Variants in JAZF1 observed in about 807,000 individuals in gnomAD.
JAZF1 encodes the protein juxtaposed with another zinc finger protein 1.
Under a neutral mutation model 26.4 loss-of-function variants are expected in JAZF1, and 8 were observed. The ratio of observed to expected loss-of-function variants is 0.30; its 90% CI spans 0.18 to 0.55. The LOEUF (loss-of-function observed/expected upper bound fraction) is 0.55, where lower values mean the gene tolerates loss of function less well. Among genes scored for constraint, JAZF1 ranks in the 20% least tolerant of loss-of-function variants. The pLI, the probability that JAZF1 is intolerant of heterozygous loss-of-function variation, is 0.94. For synonymous variants in JAZF1, 126 were observed against 122.3 expected, an observed-to-expected ratio of 1.03 and a Z score of -0.20; for missense variants, 199 against 322.0, an observed-to-expected ratio of 0.62 and a Z score of 2.92.
intron 2 of JAZF1, among the ~76,000 whole-genome samples, chr7:27,969,436 G>A (rs1203523997): frequency 6.6e-6 from 1 of 152,038 alleles, no homozygotes; most frequent in Non-Finnish European, 1.5e-5. Flanking sequence ...TGCTTGGAGG[G>A]CTTCTCTGCG....
At chr7:28,140,672 T>C (rs1782948406) in intron 1 of JAZF1, among the ~76,000 whole-genome samples, 1 of 152,160 alleles carries the variant, frequency 6.6e-6, no homozygotes, top group Non-Finnish European at 1.5e-5. Context: ...TCATAGCACA[T>C]AGAGTCAATA....
chr7:28,082,989 T>G (rs188644663), intron 1 of JAZF1, among the ~76,000 whole-genome samples: 44 of 152,216 alleles, frequency 2.9e-4, no homozygotes, highest in Non-Finnish European at 4.9e-4. Flanking sequence ...TGACCACCAC[T>G]GAGTGCTCTG....
intron 2 of JAZF1, among the ~76,000 whole-genome samples, chr7:27,956,944 C>T (rs183430381): frequency 1.3e-4 from 20 of 152,324 alleles, no homozygotes; most frequent in Non-Finnish European, 2.1e-4. Context: ...AGGCTGCACA[C>T]GAATAACGGC....
intron 1 of JAZF1, among the ~76,000 whole-genome samples, chr7:27,995,580 A>T (rs1785998394): frequency 6.6e-6 from 1 of 152,196 alleles, no homozygotes; most frequent in Non-Finnish European, 1.5e-5. Context: ...AATAATTCAC[A>T]TATTAAAATA....
At chr7:27,929,720 T>C (rs936634506) in intron 2 of JAZF1, among the ~76,000 whole-genome samples, 4 of 152,188 alleles carry the variant, frequency 2.6e-5, no homozygotes, top group Non-Finnish European at 5.9e-5. Context: ...GATTAAGTGA[T>C]TAAGCTGTTG....
chr7:27,898,728 G>T (rs1016583531), intron 2 of JAZF1, among the ~76,000 whole-genome samples: 3 of 152,112 alleles, frequency 2.0e-5, no homozygotes, highest in African/African-American at 7.2e-5. Context: ...CTGGATTGGG[G>T]TTATATCTTC....
At chr7:28,144,488 G>A (rs984364322) in intron 1 of JAZF1, among the ~76,000 whole-genome samples, 2 of 152,212 alleles carry the variant, frequency 1.3e-5, no homozygotes, top group African/African-American at 2.4e-5. Context: ...CAGCAGTCTC[G>A]CTCCAGAGTC....
chr7:28,164,891 T>A (rs1037204171), intron 1 of JAZF1, among the ~76,000 whole-genome samples: 1 of 152,176 alleles, frequency 6.6e-6, no homozygotes, highest in African/African-American at 2.4e-5. Context: ...CACACTTGGC[T>A]CGGCATGTGG....
At chr7:28,041,494 C>A (rs1397746172) in intron 1 of JAZF1, among the ~76,000 whole-genome samples, 1 of 152,132 alleles carries the variant, frequency 6.6e-6, no homozygotes, top group African/African-American at 2.4e-5. Context: ...AATTCCATGG[C>A]CACATCTACT....
chr7:27,969,745 CTG>C (rs1375582271), intron 2 of JAZF1, among the ~76,000 whole-genome samples: 1 of 152,188 alleles, frequency 6.6e-6, no homozygotes, highest in African/African-American at 2.4e-5. Context: ...TTAAAGAACT[CTG>C]TGTAAATTCT....
chr7:27,906,696 A>G (rs747767358), intron 2 of JAZF1, among the ~76,000 whole-genome samples: 9 of 152,246 alleles, frequency 5.9e-5, no homozygotes, highest in Non-Finnish European at 1.3e-4. Flanking sequence ...CACTTCTGAA[A>G]GCTACCATAC....
At chr7:28,107,195 G>A (rs192707369) in intron 1 of JAZF1, among the ~76,000 whole-genome samples, 1 of 152,306 alleles carries the variant, frequency 6.6e-6, no homozygotes, top group Non-Finnish European at 1.5e-5. Flanking sequence ...TCCCACTAGA[G>A]TACGTTTCCA....
At chr7:27,967,367 G>A (rs1785295444) in intron 2 of JAZF1, among the ~76,000 whole-genome samples, 1 of 151,958 alleles carries the variant, frequency 6.6e-6, no homozygotes. Flanking sequence ...CACATAGGAA[G>A]AGAAAACAGA....
intron 2 of JAZF1, among the ~76,000 whole-genome samples, chr7:27,928,159 T>C (rs1583466961): frequency 6.6e-6 from 1 of 152,366 alleles, no homozygotes; most frequent in African/African-American, 2.4e-5. Context: ...TTTCTTCTCA[T>C]AGCTTTTGGA....
At chr7:27,905,310 A>C (rs1419662869) in intron 2 of JAZF1, among the ~76,000 whole-genome samples, 3 of 139,456 alleles carry the variant, frequency 2.2e-5, no homozygotes, top group South Asian at 2.4e-4. Flanking sequence ...ATATGGAAGG[A>C]TATAGTTCCC....
At chr7:28,067,510 C>G (rs958597765) in intron 1 of JAZF1, among the ~76,000 whole-genome samples, 1 of 152,192 alleles carries the variant, frequency 6.6e-6, no homozygotes, top group Non-Finnish European at 1.5e-5. Flanking sequence ...CAGCCAGAGC[C>G]TCATCAGTGC....
chr7:27,871,805 G>C (rs139260618), intron 3 of JAZF1, among the ~76,000 whole-genome samples: 6 of 152,156 alleles, frequency 3.9e-5, no homozygotes, highest in Non-Finnish European at 8.8e-5. Context: ...AAGGGTATAT[G>C]GTTCAAGTGG....
intron 1 of JAZF1, among the ~76,000 whole-genome samples, chr7:28,093,987 A>G (rs1784342951): frequency 2.0e-5 from 3 of 152,208 alleles, no homozygotes; most frequent in Admixed American, 2.0e-4. Flanking sequence ...TTCATTCGCA[A>G]AGCTTGGAAC....
chr7:28,133,678 A>G (rs1468238205), intron 1 of JAZF1, among the ~76,000 whole-genome samples: 1 of 152,164 alleles, frequency 6.6e-6, no homozygotes, highest in Non-Finnish European at 1.5e-5. Flanking sequence ...GCCTCCCAGG[A>G]CACCAGCTCC....
Sources: allele counts gnomAD v4.1 joint callset (sites outside exome capture counted in the v4.1 genomes callset), GRCh38; gene constraint gnomAD v4.1.1; transcripts MANE v1.5; gene names NCBI Gene and HGNC (gene_info 2026-07-23, HGNC 2026-07-21).